The following CNTNAP2 variants were observed in gnomAD, a reference collection of about 807,000 sequenced individuals.
CNTNAP2 encodes contactin associated protein 2.
Under a neutral mutation model 155.2 loss-of-function variants are expected in CNTNAP2, and 98 were observed. The observed-to-expected ratio is 0.63, with a 90% CI of 0.54 to 0.75. CNTNAP2 has a LOEUF of 0.75. Among genes scored for constraint, CNTNAP2 ranks in the 30% least tolerant of loss-of-function variants. The pLI is 0.00. For missense variants in CNTNAP2, 1,727 were observed against 1,688.1 expected (o/e 1.02, Z -0.40); for synonymous variants, 651 against 631.2 (o/e 1.03, Z -0.47).
intron 4 of CNTNAP2, chr7:147,081,670 A>T (rs1308675024): frequency 6.6e-6 from 1 of 151,420 alleles, no homozygotes; most frequent in Non-Finnish European, 1.5e-5. Flanking sequence ...GGCCAGGATG[A>T]TATTGATCTC....
intron 21 of CNTNAP2, among the ~76,000 whole-genome samples, chr7:148,322,205 G>T (rs1010269397): frequency 6.6e-6 from 1 of 152,148 alleles, no homozygotes; most frequent in Non-Finnish European, 1.5e-5. Context: ...TTATAGGCGT[G>T]AGCCACCGCA....
intron 21 of CNTNAP2, among the ~76,000 whole-genome samples, chr7:148,349,466 A>C (rs1269824439): frequency 7.1e-6 from 1 of 140,658 alleles, no homozygotes; most frequent in Non-Finnish European, 1.5e-5. Flanking sequence ...CAGTGGCGCT[A>C]TCTCGGCTCA....
chr7:146,377,564 A>G (rs894058177), intron 1 of CNTNAP2, among the ~76,000 whole-genome samples: 10 of 152,054 alleles, frequency 6.6e-5, no homozygotes, highest in Non-Finnish European at 1.3e-4. Flanking sequence ...TCTGAAACAT[A>G]CTATGTCCAA....
intron 9 of CNTNAP2, among the ~76,000 whole-genome samples, chr7:147,333,542 A>C (rs929961475): frequency 1.2e-4 from 19 of 152,314 alleles, no homozygotes; most frequent in South Asian, 1.2e-3. Context: ...CCACTATTGA[A>C]GATAGTAGTA....
chr7:147,087,689 A>T (rs1306543138), intron 4 of CNTNAP2, among the ~76,000 whole-genome samples: 1 of 152,148 alleles, frequency 6.6e-6, no homozygotes, highest in Non-Finnish European at 1.5e-5. Flanking sequence ...TAAGAAAAAT[A>T]ATCAAGGCCG....
At chr7:146,228,142 C>T (rs1216118863) in intron 1 of CNTNAP2, among the ~76,000 whole-genome samples, 1 of 152,166 alleles carries the variant, frequency 6.6e-6, no homozygotes, top group Non-Finnish European at 1.5e-5. Flanking sequence ...GAATTCAAAG[C>T]ACTATAGCGT....
chr7:146,809,518 C>T (rs1803027552), intron 2 of CNTNAP2, among the ~76,000 whole-genome samples: 1 of 151,994 alleles, frequency 6.6e-6, no homozygotes, highest in Non-Finnish European at 1.5e-5. Flanking sequence ...CCCACCACCA[C>T]ATCTGGCTGA....
chr7:148,063,906 A>G (rs1467355094), intron 15 of CNTNAP2, among the ~76,000 whole-genome samples: 2 of 152,160 alleles, frequency 1.3e-5, no homozygotes, highest in Non-Finnish European at 2.9e-5. Context: ...TAATTTTTAT[A>G]TAAGGTGAGA....
At chr7:147,273,796 A>T (rs117231894) in intron 8 of CNTNAP2, among the ~76,000 whole-genome samples, 7,208 of 146,408 alleles carry the variant, frequency 0.049, 271 homozygotes, top group Non-Finnish European at 0.075. Flanking sequence ...TTTTATATAT[A>T]TTTTTATATC....
chr7:146,969,494 C>A (rs1797735084), intron 3 of CNTNAP2, among the ~76,000 whole-genome samples: 1 of 152,002 alleles, frequency 6.6e-6, no homozygotes, highest in Non-Finnish European at 1.5e-5. Context: ...TCTGGGTGCT[C>A]TTGTATTGGG....
At position 146,325,431 on chromosome 7, in the gene CNTNAP2, G is replaced by A. The variant is rs574975312; in HGVS notation, c.97+208458G>A. Among the ~76,000 whole-genome samples, 220 of 151,800 alleles carry A rather than the reference G, an allele frequency of 1.4e-3. 2 individuals are homozygous for A. The highest frequency in any genetic ancestry group is 5.0e-3 in the African/African-American group (206 of 41,344). On this transcript the variant is annotated intron_variant, in intron 1 of 23. Transcript: ENST00000361727. Reference sequence around the variant, plus strand: ...CCATTTTGCATATAGGTATTTCTCCGGCCAATGAAAACCTACAATATTCAG... The same window carrying A: ...CCATTTTGCATATAGGTATTTCTCCAGCCAATGAAAACCTACAATATTCAG...
At chr7:146,779,581 C>T (rs1802447079) in intron 2 of CNTNAP2, among the ~76,000 whole-genome samples, 1 of 152,200 alleles carries the variant, frequency 6.6e-6, no homozygotes, top group Non-Finnish European at 1.5e-5. Context: ...GTCATGCAAT[C>T]TCAGTATTTC....
intron 21 of CNTNAP2, among the ~76,000 whole-genome samples, chr7:148,302,334 TA>T (rs1401706860): frequency 2.0e-5 from 3 of 152,320 alleles, no homozygotes; most frequent in African/African-American, 7.2e-5. Flanking sequence ...TGAACTTGGT[TA>T]GGGGAGAGGA....
intron 13 of CNTNAP2, among the ~76,000 whole-genome samples, chr7:147,797,645 T>C (rs560437697): frequency 1.4e-4 from 21 of 152,176 alleles, no homozygotes; most frequent in Non-Finnish European, 2.8e-4. Context: ...TAGTATAATG[T>C]GCCTTATGAA....
intron 15 of CNTNAP2, among the ~76,000 whole-genome samples, chr7:148,013,008 T>C (rs1802108087): frequency 6.6e-6 from 1 of 152,320 alleles, no homozygotes; most frequent in Admixed American, 6.5e-5. Context: ...TTTTCTGTAA[T>C]TGTACGTGAG....
intron 18 of CNTNAP2, among the ~76,000 whole-genome samples, chr7:148,200,768 C>A (rs1443020261): frequency 1.3e-5 from 2 of 152,158 alleles, no homozygotes; most frequent in Non-Finnish European, 2.9e-5. Flanking sequence ...AAAGGCAATA[C>A]AACATAGTAG....
intron 19 of CNTNAP2, 107 bp downstream of exon 19, chr7:148,217,631 T>G: frequency 8.2e-7 from 1 of 1,220,284 alleles, no homozygotes; most frequent in East Asian, 2.3e-5. Context: ...CCCCATAGGC[T>G]TTTTTAAGCA....
chr7:147,629,717 T>C (rs1393818008), intron 12 of CNTNAP2, among the ~76,000 whole-genome samples: 1 of 152,036 alleles, frequency 6.6e-6, no homozygotes, highest in East Asian at 1.9e-4. Context: ...AAATCACCTG[T>C]TCCTTAATGA....
intron 9 of CNTNAP2, among the ~76,000 whole-genome samples, chr7:147,335,646 A>G (rs560689259): frequency 6.6e-6 from 1 of 152,308 alleles, no homozygotes; most frequent in South Asian, 2.1e-4. Flanking sequence ...GATCAAAGCC[A>G]CCAAATGAAA....
Sources: allele counts gnomAD v4.1 joint callset (sites outside exome capture counted in the v4.1 genomes callset), GRCh38; gene constraint gnomAD v4.1.1; transcripts MANE v1.5; gene names NCBI Gene and HGNC (gene_info 2026-07-23, HGNC 2026-07-21).